The following TNRC6B variants were observed in gnomAD, a reference collection of about 807,000 sequenced individuals.
The protein encoded by TNRC6B is trinucleotide repeat-containing gene 6B protein.
In TNRC6B, 52 loss-of-function variants were observed where a neutral mutation model predicts 203.6. The ratio of observed to expected loss-of-function variants is 0.26; its 90% confidence interval spans 0.20 to 0.32. The LOEUF (loss-of-function observed/expected upper bound fraction) is 0.32, where lower values mean the gene tolerates loss of function less well. TNRC6B is among the 10% of genes least tolerant of loss of function. The pLI, the probability that TNRC6B is intolerant of heterozygous loss-of-function variation, is 1.00. For missense variants in TNRC6B, 1,923 were observed against 2,286.2 expected (o/e 0.84, Z 3.24); for synonymous variants, 838 against 845.7 (o/e 0.99, Z 0.16).
intron 21 of TNRC6B, among the ~76,000 whole-genome samples, chr22:40,316,365 CAA>C (rs555465673): frequency 1.5e-5 from 2 of 137,640 alleles, no homozygotes; most frequent in African/African-American, 5.4e-5. Flanking sequence ...AAAAAAAAAA[CAA>C]AAAAAAAAGA....
intron 1 of TNRC6B, among the ~76,000 whole-genome samples, chr22:40,054,419 T>C (rs965182838): frequency 3.9e-5 from 6 of 152,198 alleles, no homozygotes; most frequent in African/African-American, 1.2e-4. Context: ...CCAAGGTCCC[T>C]TCCTTGAGCA....
At chr22:40,207,932 G>A (rs1216714136) in intron 1 of TNRC6B, among the ~76,000 whole-genome samples, 1 of 151,960 alleles carries the variant, frequency 6.6e-6, no homozygotes, top group East Asian at 1.9e-4. Flanking sequence ...CTAACACGGT[G>A]AAACCCCATC....
At chr22:40,248,810 A>T (rs562253810) in intron 2 of TNRC6B, among the ~76,000 whole-genome samples, 1 of 152,376 alleles carries the variant, frequency 6.6e-6, no homozygotes, top group Non-Finnish European at 1.5e-5. Context: ...AATGTTCCAG[A>T]TCAGCTTGAC....
At chr22:40,259,470 C>T (rs932317315) in intron 3 of TNRC6B, among the ~76,000 whole-genome samples, 2 of 152,242 alleles carry the variant, frequency 1.3e-5, no homozygotes, top group Non-Finnish European at 2.9e-5. Context: ...GATCTACCCA[C>T]CTCGGCCTCC....
chr22:40,133,283 C>T (rs892757329), intron 3 of TNRC6B, among the ~76,000 whole-genome samples: 1 of 151,910 alleles, frequency 6.6e-6, no homozygotes, highest in Admixed American at 6.6e-5. Context: ...TTATTTGTAT[C>T]ATCTCTTCTT....
At chr22:40,066,934 T>C (rs974736689) in intron 1 of TNRC6B, among the ~76,000 whole-genome samples, 5 of 151,354 alleles carry the variant, frequency 3.3e-5, no homozygotes, top group Non-Finnish European at 5.9e-5. Flanking sequence ...AGACAGAGTT[T>C]CACTCTGTCA....
At chr22:40,096,756 A>G (rs544934078) in intron 1 of TNRC6B, among the ~76,000 whole-genome samples, 8 of 152,206 alleles carry the variant, frequency 5.3e-5, no homozygotes, top group Non-Finnish European at 8.8e-5. Context: ...ATAATGTTAG[A>G]TTTTGGCTTT....
At chr22:40,154,860 AATATATATATATATAT>A (rs71199273) in intron 3 of TNRC6B, among the ~76,000 whole-genome samples, 25 of 23,584 alleles carry the variant, frequency 1.1e-3, no homozygotes, top group Admixed American at 7.5e-4. Context: ...AAAAAAAAAA[AATATATATATATATAT>A]ATATATATAT....
intron 4 of TNRC6B, among the ~76,000 whole-genome samples, chr22:40,158,795 G>A (rs1045366143): frequency 2.0e-5 from 3 of 152,138 alleles, no homozygotes; most frequent in African/African-American, 4.8e-5. Context: ...GAAATCAGTC[G>A]TCTCACAAGG....
intron 3 of TNRC6B, among the ~76,000 whole-genome samples, chr22:40,154,840 C>CAAAAAAAAAAA (rs57206167): frequency 3.4e-5 from 1 of 29,228 alleles, no homozygotes; most frequent in African/African-American, 1.5e-4. Flanking sequence ...GACTCTATCT[C>CAAAAAAAAAAA]AAAAAAAAAA....
intron 12 of TNRC6B, 77 bp downstream of exon 12, chr22:40,285,847 G>A: frequency 6.5e-7 from 1 of 1,540,518 alleles, no homozygotes; most frequent in Non-Finnish European, 8.8e-7. Flanking sequence ...TGATTTTTGT[G>A]GGCATAAAAA....
At chr22:40,298,762 T>C (rs370841088) in intron 12 of TNRC6B, among the ~76,000 whole-genome samples, 4 of 150,870 alleles carry the variant, frequency 2.7e-5, no homozygotes, top group East Asian at 2.0e-4. Flanking sequence ...GTCAGGAGAT[T>C]GAGACCATCC....
chr22:40,097,983 C>G (rs1296023503), intron 1 of TNRC6B, among the ~76,000 whole-genome samples: 1 of 151,906 alleles, frequency 6.6e-6, no homozygotes, highest in Non-Finnish European at 1.5e-5. Flanking sequence ...CTGGCTGGCT[C>G]TTATTTTAAT....
chr22:40,309,259 C>G (rs2071138610), intron 16 of TNRC6B, among the ~76,000 whole-genome samples: 1 of 152,224 alleles, frequency 6.6e-6, no homozygotes, highest in Non-Finnish European at 1.5e-5. Flanking sequence ...AACCTTCCTT[C>G]AGCCTTTGTT....
At chr22:40,090,695 T>C (rs570088535) in intron 1 of TNRC6B, among the ~76,000 whole-genome samples, 1 of 152,334 alleles carries the variant, frequency 6.6e-6, no homozygotes, top group Admixed American at 6.5e-5. Context: ...ATTATTGATA[T>C]ATTTTATCTT....
intron 4 of TNRC6B, among the ~76,000 whole-genome samples, chr22:40,160,934 C>T (rs1349040045): frequency 6.6e-6 from 1 of 151,936 alleles, no homozygotes; most frequent in Non-Finnish European, 1.5e-5. Flanking sequence ...AGTTTATTGG[C>T]CATTTATTTT....
intron 1 of TNRC6B, among the ~76,000 whole-genome samples, chr22:40,244,188 T>G (rs1357667195): frequency 6.6e-6 from 1 of 152,220 alleles, no homozygotes; most frequent in Non-Finnish European, 1.5e-5. Context: ...ACATCCATCT[T>G]ACCAGTGTTT....
intron 1 of TNRC6B, among the ~76,000 whole-genome samples, chr22:40,194,043 G>A (rs528947167): frequency 6.6e-6 from 1 of 152,358 alleles, no homozygotes; most frequent in African/African-American, 2.4e-5. Context: ...GTGAGGATAG[G>A]CTTAGAAAGG....
At chr22:40,105,925 C>T (rs556825095) in intron 1 of TNRC6B, among the ~76,000 whole-genome samples, 1 of 152,182 alleles carries the variant, frequency 6.6e-6, no homozygotes, top group African/African-American at 2.4e-5. Flanking sequence ...TTCCATAGCC[C>T]GAGCAACACT....
Sources: allele counts gnomAD v4.1 joint callset (sites outside exome capture counted in the v4.1 genomes callset), GRCh38; gene constraint gnomAD v4.1.1; transcripts MANE v1.5; gene names NCBI Gene and HGNC (gene_info 2026-07-23, HGNC 2026-07-21).